Variants in CSMD1 observed in about 807,000 individuals in gnomAD.
CSMD1 encodes CUB and Sushi multiple domains 1, also known as CUB and sushi domain-containing protein 1.
Under a neutral mutation model 417.5 loss-of-function variants are expected in CSMD1, and 213 were observed. That is an observed-to-expected ratio of 0.51 (90% CI 0.46 to 0.57). The LOEUF (loss-of-function observed/expected upper bound fraction) is 0.57. Among genes scored for constraint, CSMD1 ranks in the 20% least tolerant of loss-of-function variants. The pLI, the probability that CSMD1 is intolerant of heterozygous loss-of-function variation, is 0.00. For missense variants in CSMD1, 6,923 were observed against 4,529.7 expected (o/e 1.53, Z -15.17); for synonymous variants, 2,862 against 1,736.8 (o/e 1.65, Z -16.11).
At chr8:4,751,724 G>C (rs1811339788) in intron 1 of CSMD1, among the ~76,000 whole-genome samples, 1 of 152,094 alleles carries the variant, frequency 6.6e-6, no homozygotes, top group African/African-American at 2.4e-5. Flanking sequence ...TATTTTCCCT[G>C]TCAGTCTGCT....
At chr8:3,494,401 G>A (rs538055641) in intron 10 of CSMD1, among the ~76,000 whole-genome samples, 77 of 152,204 alleles carry the variant, frequency 5.1e-4, no homozygotes, top group African/African-American at 1.8e-3. Flanking sequence ...TCCTTTGGTG[G>A]CCAATACTAT....
At chr8:4,260,737 A>G (rs1043435902) in intron 3 of CSMD1, among the ~76,000 whole-genome samples, 1 of 152,212 alleles carries the variant, frequency 6.6e-6, no homozygotes, top group African/African-American at 2.4e-5. Flanking sequence ...ATATTATCAT[A>G]CTTGGTTTAA....
At chr8:3,262,185 AT>A (rs201701562) in intron 26 of CSMD1, among the ~76,000 whole-genome samples, 19,090 of 45,840 alleles carry the variant, frequency 0.42, 2,705 homozygotes, top group South Asian at 0.47. Flanking sequence ...GCTCATATGA[AT>A]ATATATATAT....
At chr8:4,857,520 C>A (rs1286209272) in intron 1 of CSMD1, among the ~76,000 whole-genome samples, 1 of 151,764 alleles carries the variant, frequency 6.6e-6, no homozygotes, top group Non-Finnish European at 1.5e-5. Flanking sequence ...AGACCGCTAG[C>A]AAGACTAATG....
At chr8:2,955,489 T>C (rs1175800444) in intron 64 of CSMD1, 100 bp downstream of exon 64, 2 of 1,158,538 alleles carry the variant, frequency 1.7e-6, no homozygotes, top group East Asian at 2.4e-5. Flanking sequence ...AGCCTCATGC[T>C]CTTACTTATG....
At position 3,386,836 on chromosome 8, in the gene CSMD1, G is replaced by GT. The variant is rs1333932285; in HGVS notation, c.2782+657dup. Reference sequence around the variant, plus strand: ...CATGGTCAAGGGCAAAATACCCCAAGTTTTTTTGGCAAATGATTACAAGCA... The same window carrying GT: ...CATGGTCAAGGGCAAAATACCCCAAGTTTTTTTTGGCAAATGATTACAAGCA... On this transcript the variant is annotated intron_variant, in intron 18 of 69. Coordinates refer to ENST00000635120, the MANE Select transcript of CSMD1 (RefSeq NM_033225.6). Among the ~76,000 whole-genome samples, 6 of 152,058 alleles carry GT rather than the reference G, an allele frequency of 3.9e-5. No individual in the cohort carries two copies. In the South Asian group the frequency reaches 1.2e-3, roughly 32 times the overall value.
chr8:4,147,908 C>A (rs915874148), intron 3 of CSMD1, among the ~76,000 whole-genome samples: 1 of 152,082 alleles, frequency 6.6e-6, no homozygotes, highest in African/African-American at 2.4e-5. Context: ...CTCAAAGCCT[C>A]GGAGGCTCCT....
Position 3,343,412 on chromosome 8 carries a change from G to T in CSMD1, c.3513C>A (p.Gly1171=). ...DGKDSSSRPL[G]TFTKNELLGL... ...CCAGAAGTTCATTTTTAGTGAACGT[G>T]CCCAGTGGACGTGAGGAACTGTCTT... The change falls in exon 23 of 70, where the codon GGC becomes GGA. Residue 1171 remains glycine, a synonymous_variant. Transcript: ENST00000635120. 6.2e-7 allele frequency: 1 copy of T among 1,613,756 alleles called. No individual in the cohort carries two copies. The highest frequency in any genetic ancestry group is 1.7e-4 in the Middle Eastern group (1 of 6,060).
intron 3 of CSMD1, among the ~76,000 whole-genome samples, chr8:4,258,039 G>C (rs1017372197): frequency 6.6e-6 from 1 of 151,868 alleles, no homozygotes; most frequent in African/African-American, 2.4e-5. Flanking sequence ...GCTGTGGAAG[G>C]GGGAAGCAAT....
chr8:4,841,930 A>AAAAAAAAAAAAAAACAAAACAAAAC (rs1192383183), intron 1 of CSMD1, among the ~76,000 whole-genome samples: 1 of 122,428 alleles, frequency 8.2e-6, no homozygotes, highest in African/African-American at 3.3e-5. Context: ...AAAAAAAAAA[A>AAAAAAAAAAAAAAACAAAACAAAAC]AAAAAAAAGT....
At chr8:4,762,836 A>G (rs1016128190) in intron 1 of CSMD1, among the ~76,000 whole-genome samples, 117 of 152,318 alleles carry the variant, frequency 7.7e-4, no homozygotes, top group African/African-American at 2.8e-3. Context: ...CGAAGAAAAG[A>G]TCTTTCTTTG....
chr8:3,879,893 C>A (rs1182751516), intron 5 of CSMD1, among the ~76,000 whole-genome samples: 1 of 151,874 alleles, frequency 6.6e-6, no homozygotes, highest in African/African-American at 2.4e-5. Flanking sequence ...GTTGTATTCA[C>A]GTTTTTATCC....
chr8:4,534,913 C>A (rs1797025966), intron 2 of CSMD1, among the ~76,000 whole-genome samples: 1 of 152,152 alleles, frequency 6.6e-6, no homozygotes, highest in Non-Finnish European at 1.5e-5. Context: ...CAGGTGCCTG[C>A]CACCACGCCC....
intron 5 of CSMD1, among the ~76,000 whole-genome samples, chr8:3,830,202 G>A (rs1446443301): frequency 1.3e-5 from 2 of 152,302 alleles, no homozygotes; most frequent in East Asian, 3.9e-4. Context: ...AACAAGGATT[G>A]TTTGAGGTAA....
At chr8:4,028,502 A>C (rs1026059038) in intron 4 of CSMD1, among the ~76,000 whole-genome samples, 6 of 151,874 alleles carry the variant, frequency 4.0e-5, no homozygotes, top group Non-Finnish European at 8.8e-5. Flanking sequence ...CATTTTACAA[A>C]AAAAGGAAAA....
At chr8:3,403,056 A>T (rs1262817940) in intron 15 of CSMD1, among the ~76,000 whole-genome samples, 2 of 152,140 alleles carry the variant, frequency 1.3e-5, no homozygotes, top group African/African-American at 4.8e-5. Flanking sequence ...TTTTATGGAT[A>T]GACATTTGCT....
chr8:4,780,394 T>C (rs1452532361), intron 1 of CSMD1, among the ~76,000 whole-genome samples: 1 of 151,846 alleles, frequency 6.6e-6, no homozygotes, highest in African/African-American at 2.4e-5. Context: ...CTCAAGGCAG[T>C]TCATTCTGAT....
At chr8:3,821,085 T>TC (rs1801711099) in intron 5 of CSMD1, among the ~76,000 whole-genome samples, 1 of 151,864 alleles carries the variant, frequency 6.6e-6, no homozygotes, top group Admixed American at 6.6e-5. Flanking sequence ...CCTGGTTACT[T>TC]TTTTGTATTT....
chr8:4,195,062 C>T (rs775170991), intron 3 of CSMD1, among the ~76,000 whole-genome samples: 1 of 152,166 alleles, frequency 6.6e-6, no homozygotes, highest in African/African-American at 2.4e-5. Context: ...AAGCAGTATT[C>T]AGCTGTTACG....
Sources: allele counts gnomAD v4.1 joint callset (sites outside exome capture counted in the v4.1 genomes callset), GRCh38; gene constraint gnomAD v4.1.1; transcripts MANE v1.5; gene names NCBI Gene and HGNC (gene_info 2026-07-23, HGNC 2026-07-21).